CDC42BPB: variants seen among roughly 807,000 people sequenced by gnomAD.
CDC42BPB encodes the protein serine/threonine-protein kinase MRCK beta.
A neutral mutation model predicts 214.9 loss-of-function variants in CDC42BPB; 37 were observed. The ratio of observed to expected loss-of-function variants is 0.17; its 90% CI spans 0.13 to 0.23. The LOEUF is 0.23. Among genes scored for constraint, CDC42BPB ranks in the 10% least tolerant of loss-of-function variants. The pLI, the probability that CDC42BPB is intolerant of heterozygous loss-of-function variation, is 1.00. For synonymous variants in CDC42BPB, 931 were observed against 884.0 expected (o/e 1.05, Z -0.94); for missense variants, 1,694 against 2,227.0 (o/e 0.76, Z 4.82).
chr14:102,995,713 C>G (rs1438119320), intron 5 of CDC42BPB, among the ~76,000 whole-genome samples: 1 of 152,252 alleles, frequency 6.6e-6, no homozygotes, highest in Non-Finnish European at 1.5e-5. Flanking sequence ...CGACTAACCC[C>G]AGGAAGGGGC....
Position 102,968,717 on chromosome 14 carries a change from C to G in CDC42BPB, c.1996-1G>C. ...CCGCTCCCCGGCCTCCTTGCTTCAC[C>G]TGAAGACAAAGGTTAACATAAATTG... is the stretch of plus-strand genomic sequence containing the variant. On this transcript the variant is annotated splice_acceptor_variant, in intron 14 of 36. Coordinates refer to ENST00000361246, the MANE Select transcript of CDC42BPB (RefSeq NM_006035.4). LOFTEE classifies it high-confidence loss of function. 1 of 1,613,582 alleles carries G rather than the reference C, an allele frequency of 6.2e-7. No homozygotes were observed. The highest frequency in any genetic ancestry group is 8.5e-7 in the Non-Finnish European group (1 of 1,179,964).
chr14:103,056,727 G>T lies in CDC42BPB; in HGVS notation c.175+272C>A, dbSNP rs546843349. On this transcript the variant is annotated intron_variant, in intron 1 of 36. Coordinates refer to ENST00000361246, the MANE Select transcript of CDC42BPB (RefSeq NM_006035.4). ...GATGTGGCTCCAAGGGGCAGGATGA[G>T]GGGGCGGGACGATCGAACGCGGATG... is the stretch of plus-strand genomic sequence containing the variant. 2.6e-5 allele frequency among the ~76,000 whole-genome samples: 4 copies of T among 152,164 alleles called. 1 individual carries two copies. The highest frequency in any genetic ancestry group is 4.1e-4 in the South Asian group (2 of 4,820).
At chr14:103,041,671 G>A in intron 1 of CDC42BPB, 1 of 566,930 alleles carries the variant, frequency 1.8e-6, no homozygotes, top group Non-Finnish European at 3.2e-6. Flanking sequence ...TCACACCAAG[G>A]TGCGCACCGG....
At chr14:103,030,873 G>C (rs926595343) in intron 1 of CDC42BPB, among the ~76,000 whole-genome samples, 2 of 151,996 alleles carry the variant, frequency 1.3e-5, no homozygotes, top group African/African-American at 4.8e-5. Flanking sequence ...TACAGTCCCA[G>C]CTACTCGAGA....
intron 2 of CDC42BPB, among the ~76,000 whole-genome samples, chr14:103,011,568 A>G (rs1370602655): frequency 1.3e-5 from 2 of 151,082 alleles, no homozygotes; most frequent in Non-Finnish European, 3.0e-5. Context: ...AACATGGCAA[A>G]ACCTCATCTC....
intron 1 of CDC42BPB, among the ~76,000 whole-genome samples, chr14:103,016,754 GACAGAT>G (rs1382898154): frequency 6.6e-6 from 1 of 152,164 alleles, no homozygotes; most frequent in Non-Finnish European, 1.5e-5. Context: ...AATATAGACA[GACAGAT>G]ACAGGGATAA....
chr14:103,003,896 G>A (rs1042004085), intron 4 of CDC42BPB, 32 bp downstream of exon 4: 8 of 1,551,972 alleles, frequency 5.2e-6, no homozygotes, highest in Non-Finnish European at 6.2e-6. Flanking sequence ...CGGAGCGAAT[G>A]CCCTGACCGA....
intron 9 of CDC42BPB, among the ~76,000 whole-genome samples, chr14:102,976,788 G>A (rs1246408680): frequency 1.3e-5 from 2 of 152,194 alleles, no homozygotes; most frequent in East Asian, 1.9e-4. Context: ...CCAGCCCTGC[G>A]GGATCTGTCA....
At chr14:103,050,634 A>G (rs1387963510) in intron 1 of CDC42BPB, among the ~76,000 whole-genome samples, 1 of 151,992 alleles carries the variant, frequency 6.6e-6, no homozygotes. Flanking sequence ...GTGTATGCCT[A>G]TTGTCCCAGC....
chr14:102,974,392 A>G (rs1359341224), intron 11 of CDC42BPB: 1 of 982,742 alleles, frequency 1.0e-6, no homozygotes, highest in East Asian at 1.1e-4. Flanking sequence ...TCTGACAGCG[A>G]TCTCCCCTGA....
At chr14:103,034,736 T>A (rs918907644) in intron 1 of CDC42BPB, among the ~76,000 whole-genome samples, 2 of 150,420 alleles carry the variant, frequency 1.3e-5, no homozygotes, top group Admixed American at 1.3e-4. Context: ...AAGAATCCCC[T>A]GAACCCGGGA....
At chr14:102,951,147 T>C (rs930322981) in intron 24 of CDC42BPB, among the ~76,000 whole-genome samples, 92 of 152,322 alleles carry the variant, frequency 6.0e-4, no homozygotes, top group African/African-American at 2.2e-3. Context: ...CCTGCTTCCA[T>C]GCTGTCCCTG....
chr14:102,935,102 A>G (rs1373634427), intron 36 of CDC42BPB, among the ~76,000 whole-genome samples: 1 of 152,196 alleles, frequency 6.6e-6, no homozygotes, highest in Non-Finnish European at 1.5e-5. Context: ...ATGGGGCTAG[A>G]GGTTCTAGGC....
In CDC42BPB at chr14:102,941,067, A is replaced by G. The variant is rs977718835; in HGVS notation, c.4409-743T>C. ...TTTAAGGGGCTTTCTCCACGTTTAG[A>G]AGAGCAGTGACACAGCTGTGCCACA... On this transcript the variant is annotated intron_variant, in intron 30 of 36. Coordinates refer to ENST00000361246, the MANE Select transcript of CDC42BPB (RefSeq NM_006035.4). The G allele has an allele frequency of 6.3e-6, 6 of 953,174 alleles. No homozygotes were observed. In the African/African-American group the frequency reaches 1.1e-4, roughly 17 times the overall value. 59.0% of individuals were successfully genotyped at this position (953,174 alleles called of 1,614,324 possible).
rs752480463 is a variant in CDC42BPB at position 102,950,564 on chromosome 14, C to T, written c.3211G>A (p.Ala1071Thr). The T allele has an allele frequency of 1.2e-6, 2 of 1,606,960 alleles. No individual in the cohort carries two copies. Residue 1071 changes from alanine to threonine, a missense_variant, in exon 25 of 37, where the codon GCC (alanine) becomes ACC (threonine). Physicochemically the swap from Ala to Thr is moderately conservative, Grantham distance 58. Coordinates refer to ENST00000361246, the MANE Select transcript of CDC42BPB (RefSeq NM_006035.4). Reference sequence around the variant, plus strand: ...GGAGGTATTGGGCACACCTGGGGGGCACCGTCTTTGCAGGACACGTGGCAA... The same window carrying T: ...GGAGGTATTGGGCACACCTGGGGGGTACCGTCTTTGCAGGACACGTGGCAA... ...FACHVSCKDG[A>T]PQVCPIPPEQ...
chr14:103,049,341 T>C (rs762275610), intron 1 of CDC42BPB, among the ~76,000 whole-genome samples: 9 of 152,042 alleles, frequency 5.9e-5, no homozygotes, highest in Non-Finnish European at 1.0e-4. Flanking sequence ...GGCCTGAGGG[T>C]GGGAAAAGGC....
chr14:103,037,521 A>T (rs961431049), intron 1 of CDC42BPB, among the ~76,000 whole-genome samples: 2 of 152,214 alleles, frequency 1.3e-5, no homozygotes, highest in Admixed American at 6.5e-5. Flanking sequence ...TTTCATAATT[A>T]AAAAAAATTA....
At chr14:103,002,060 C>T (rs1895012178) in intron 4 of CDC42BPB, among the ~76,000 whole-genome samples, 1 of 152,230 alleles carries the variant, frequency 6.6e-6, no homozygotes, top group African/African-American at 2.4e-5. Flanking sequence ...TTTGATAAAA[C>T]TCTGTGAGAT....
intron 20 of CDC42BPB, among the ~76,000 whole-genome samples, chr14:102,961,413 C>T (rs1892953913): frequency 6.6e-6 from 1 of 152,008 alleles, no homozygotes; most frequent in South Asian, 2.1e-4. Flanking sequence ...CAGCTCACTG[C>T]AACCTCTGCC....
Sources: gnomAD v4.1 joint callset for allele counts (sites outside exome capture counted in the v4.1 genomes callset) on GRCh38, gnomAD v4.1.1 for gene constraint, MANE v1.5 for transcripts, NCBI Gene and HGNC (gene_info 2026-07-23, HGNC 2026-07-21) for gene names.